CSMD1: variants seen among roughly 807,000 people sequenced by gnomAD.
The protein encoded by CSMD1 is CUB and sushi domain-containing protein 1.
Under a neutral mutation model 417.5 loss-of-function variants are expected in CSMD1, and 213 were observed. The ratio of observed to expected loss-of-function variants is 0.51; its 90% CI spans 0.46 to 0.57. The LOEUF (loss-of-function observed/expected upper bound fraction) is 0.57. Ranked by LOEUF, CSMD1 falls within the 20% of genes least tolerant of loss-of-function variation. CSMD1 has a pLI of 0.00. For missense variants in CSMD1, 6,923 were observed against 4,529.7 expected (o/e 1.53, Z -15.17); for synonymous variants, 2,862 against 1,736.8 (o/e 1.65, Z -16.11).
chr8:3,974,490 A>G (rs1425637822), intron 5 of CSMD1, among the ~76,000 whole-genome samples: 1 of 152,074 alleles, frequency 6.6e-6, no homozygotes. Context: ...AAACAGAAAA[A>G]AAGTATTTAT....
In CSMD1 at chr8:4,038,182, T is replaced by A. The variant is rs1797713469; in HGVS notation, c.416-6083A>T. 3.3e-5 allele frequency among the ~76,000 whole-genome samples: 5 copies of A among 152,120 alleles called. No individual in the cohort carries two copies. The South Asian group carries it at 1.0e-3, about 31-fold the overall frequency. ...AATTTATGATTTAGGGATTGGGGATTTTTATCTTCAACAAATTTTCTTTTT... is the reference window on the plus strand; with the variant it reads ...AATTTATGATTTAGGGATTGGGGATATTTATCTTCAACAAATTTTCTTTTT... On this transcript the variant is annotated intron_variant, in intron 3 of 69. Transcript: ENST00000635120.
At chr8:4,316,002 C>T (rs1324656812) in intron 3 of CSMD1, among the ~76,000 whole-genome samples, 1 of 151,898 alleles carries the variant, frequency 6.6e-6, no homozygotes, top group East Asian at 1.9e-4. Flanking sequence ...TTTTTTCTTT[C>T]CTTTAAATAT....
At chr8:3,205,726 C>G (rs898298250) in intron 30 of CSMD1, 106 bp from the exon 31 acceptor site, 4 of 497,750 alleles carry the variant, frequency 8.0e-6, no homozygotes, top group Non-Finnish European at 1.1e-5. Flanking sequence ...TTATTGAAAA[C>G]TTGACAAAAT....
At chr8:4,426,107 T>C (rs1389332342) in intron 2 of CSMD1, among the ~76,000 whole-genome samples, 1 of 151,442 alleles carries the variant, frequency 6.6e-6, no homozygotes, top group African/African-American at 2.4e-5. Flanking sequence ...AAAAATCTTA[T>C]CGCCTATGGA....
chr8:4,829,958 A>C (rs990860567), intron 1 of CSMD1, among the ~76,000 whole-genome samples: 9 of 151,930 alleles, frequency 5.9e-5, no homozygotes, highest in African/African-American at 2.2e-4. Flanking sequence ...CACACACAAA[A>C]ATTTTGCTTA....
rs190719666 is a variant in CSMD1, at chr8:4,719,573, C to T, written c.86-82015G>A. ...ACTTATTTTTAAGAATTATTGCATC[C>T]TTTCTAAGATAGCATAGAACTTTGG... On this transcript the variant is annotated intron_variant, in intron 1 of 69. Coordinates refer to ENST00000635120, the MANE Select transcript of CSMD1 (RefSeq NM_033225.6). 9.9e-3 allele frequency among the ~76,000 whole-genome samples: 1,488 copies of T among 150,770 alleles called. 19 individuals carry two copies. Among genetic ancestry groups the T allele is most frequent in the East Asian group, 0.071 (358 of 5,078 alleles).
intron 12 of CSMD1, among the ~76,000 whole-genome samples, chr8:3,454,812 G>T (rs1222043894): frequency 6.6e-6 from 1 of 152,134 alleles, no homozygotes; most frequent in East Asian, 1.9e-4. Flanking sequence ...TTCTCGAGGA[G>T]TATCTTTGTG....
chr8:4,151,074 T>C (rs1025011277), intron 3 of CSMD1, among the ~76,000 whole-genome samples: 4 of 152,158 alleles, frequency 2.6e-5, no homozygotes, highest in African/African-American at 4.8e-5. Flanking sequence ...AGTTTACGGG[T>C]GGTGCCAGGG....
At chr8:4,671,547 T>C (rs1225591958) in intron 1 of CSMD1, among the ~76,000 whole-genome samples, 1 of 152,206 alleles carries the variant, frequency 6.6e-6, no homozygotes, top group East Asian at 1.9e-4. Flanking sequence ...AGCATCACTT[T>C]TTCCTCTCCA....
intron 3 of CSMD1, among the ~76,000 whole-genome samples, chr8:4,286,630 G>A (rs998228665): frequency 6.6e-6 from 1 of 152,146 alleles, no homozygotes; most frequent in Non-Finnish European, 1.5e-5. Context: ...TGACCTCGAA[G>A]AAAGGTTTAT....
chr8:4,273,459 G>A (rs574593153), intron 3 of CSMD1, among the ~76,000 whole-genome samples: 31 of 152,178 alleles, frequency 2.0e-4, no homozygotes, highest in African/African-American at 2.9e-4. Context: ...GGTTTCAGAA[G>A]CAAATTATAA....
chr8:4,303,255 G>A lies in CSMD1; in HGVS notation c.415+116698C>T, dbSNP rs183141743. Among the ~76,000 whole-genome samples the A allele has an allele frequency of 3.3e-5, 5 of 152,088 alleles. No homozygotes were observed. The East Asian group carries it at 9.7e-4, about 29-fold the overall frequency. The stretch of plus-strand genomic sequence containing the variant: ...TCAGATAAGTATTCTCTACTCTCAT[G>A]AAATATAAAAGAAAACAAAACAAAA... On this transcript the variant is annotated intron_variant, in intron 3 of 69. Coordinates refer to ENST00000635120, the MANE Select transcript of CSMD1 (RefSeq NM_033225.6).
intron 3 of CSMD1, among the ~76,000 whole-genome samples, chr8:4,373,016 C>T (rs1802491360): frequency 1.3e-5 from 2 of 152,166 alleles, no homozygotes; most frequent in Admixed American, 6.5e-5. Context: ...CTAGCATCAG[C>T]AGTGATGATT....
intron 1 of CSMD1, among the ~76,000 whole-genome samples, chr8:4,659,873 A>T (rs1332651745): frequency 6.6e-6 from 1 of 152,156 alleles, no homozygotes; most frequent in Non-Finnish European, 1.5e-5. Context: ...CAAATAAATC[A>T]TAAAAATCAT....
chr8:3,208,811 C>G (rs1288053153), intron 30 of CSMD1, among the ~76,000 whole-genome samples: 1 of 152,118 alleles, frequency 6.6e-6, no homozygotes, highest in East Asian at 1.9e-4. Flanking sequence ...CTACATCTTT[C>G]TCCTGTGCTG....
intron 2 of CSMD1, among the ~76,000 whole-genome samples, chr8:4,632,703 A>T (rs958473541): frequency 6.6e-6 from 1 of 152,204 alleles, no homozygotes; most frequent in Non-Finnish European, 1.5e-5. Flanking sequence ...CAGGCTTCCA[A>T]TTGCAGTAGG....
intron 8 of CSMD1, among the ~76,000 whole-genome samples, chr8:3,601,329 T>C (rs1392347215): frequency 4.6e-5 from 7 of 152,206 alleles, no homozygotes; most frequent in Non-Finnish European, 8.8e-5. Context: ...TGCAGACATA[T>C]AGGAGCTGTA....
At chr8:3,266,770 G>C (rs1801460926) in intron 26 of CSMD1, among the ~76,000 whole-genome samples, 2 of 131,098 alleles carry the variant, frequency 1.5e-5, no homozygotes, top group South Asian at 5.4e-4. Context: ...GTGAGACACT[G>C]TCTTAAAAAA....
At chr8:4,864,190 C>T (rs1020971113) in intron 1 of CSMD1, among the ~76,000 whole-genome samples, 1 of 151,742 alleles carries the variant, frequency 6.6e-6, no homozygotes, top group Non-Finnish European at 1.5e-5. Context: ...TAATGAAGTA[C>T]AACCAAAACA....
Sources: allele counts gnomAD v4.1 joint callset (sites outside exome capture counted in the v4.1 genomes callset), GRCh38; gene constraint gnomAD v4.1.1; transcripts MANE v1.5; gene names NCBI Gene and HGNC (gene_info 2026-07-23, HGNC 2026-07-21).